Variants in USP8 observed in about 807,000 individuals in gnomAD.
The protein encoded by USP8 is ubiquitin carboxyl-terminal hydrolase 8.
In USP8, 27 loss-of-function variants were observed where a neutral mutation model predicts 130.0. The observed-to-expected ratio is 0.21, with a 90% confidence interval of 0.15 to 0.29. The LOEUF (loss-of-function observed/expected upper bound fraction) is 0.29. USP8 is among the 10% of genes least tolerant of loss of function. The pLI is 1.00. For missense variants in USP8, 1,029 were observed against 1,312.2 expected (o/e 0.78, Z 3.33); for synonymous variants, 392 against 444.1 (o/e 0.88, Z 1.48).
intron 3 of USP8, 115 bp downstream of exon 3, chr15:50,441,608 G>C (rs1386144531): frequency 2.3e-6 from 2 of 852,824 alleles, no homozygotes; most frequent in East Asian, 5.6e-5. Flanking sequence ...TATGCAGCAT[G>C]ATCTCATGTA....
intron 1 of USP8, among the ~76,000 whole-genome samples, chr15:50,431,806 A>G (rs1425681035): frequency 6.6e-6 from 1 of 152,072 alleles, no homozygotes; most frequent in Non-Finnish European, 1.5e-5. Flanking sequence ...ACAGGCGTCC[A>G]CCACCATGCC....
intron 7 of USP8, among the ~76,000 whole-genome samples, chr15:50,467,616 C>T (rs2051234478): frequency 6.6e-6 from 1 of 151,930 alleles, no homozygotes; most frequent in South Asian, 2.1e-4. Flanking sequence ...AGTGCAGTGG[C>T]ATGATTACAG....
At chr15:50,456,650 C>T in intron 4 of USP8, among the ~76,000 whole-genome samples, 1 of 152,044 alleles carries the variant, frequency 6.6e-6, no homozygotes, top group East Asian at 1.9e-4. Flanking sequence ...CTTTGGGAGG[C>T]CGACGAGGGT....
rs1232719949 is a variant in USP8, at chr15:50,510,829, T to G, written c.*11741T>G. 6.6e-6 allele frequency: 1 copy of G among 152,030 alleles called. No individual in the cohort carries two copies. The highest frequency in any genetic ancestry group is 1.5e-5 in the Non-Finnish European group (1 of 68,046). The allele number at this position is 152,030 out of a possible 1,614,324, so 9.4% of individuals were successfully genotyped here. On this transcript the variant is annotated 3_prime_UTR_variant, in exon 20 of 20. Coordinates refer to ENST00000307179, the MANE Select transcript of USP8 (RefSeq NM_005154.5). ...TCTCGCTCTGTCTCCCAGGCTGGAG[T>G]GCAGTGGCGCTATCTCGGCTCACTG...
At chr15:50,471,580 TA>T in intron 7 of USP8, 52 bp from the exon 8 acceptor site, 1 of 1,582,766 alleles carries the variant, frequency 6.3e-7, no homozygotes, top group Non-Finnish European at 8.6e-7. Flanking sequence ...TCTGTTAGTA[TA>T]TTAGGACCTC....
intron 4 of USP8, among the ~76,000 whole-genome samples, chr15:50,456,221 G>C (rs1369015672): frequency 1.3e-5 from 2 of 152,140 alleles, no homozygotes. Flanking sequence ...GTCAATATTA[G>C]TGATCATTTC....
intron 7 of USP8, among the ~76,000 whole-genome samples, chr15:50,466,337 A>G (rs1308646632): frequency 1.3e-5 from 2 of 152,130 alleles, no homozygotes; most frequent in African/African-American, 2.4e-5. Flanking sequence ...ACTGGCTCAC[A>G]CCTGTAATCC....
At position 50,500,809 on chromosome 15, in the gene USP8, T is replaced by C; in HGVS notation, c.*1721T>C. 1 of 1,589,098 alleles carries C rather than the reference T, an allele frequency of 6.3e-7. No individual in the cohort carries two copies. The highest frequency in any genetic ancestry group is 8.6e-7 in the Non-Finnish European group (1 of 1,167,146). On this transcript the variant is annotated 3_prime_UTR_variant, in exon 20 of 20. Coordinates refer to ENST00000307179, the MANE Select transcript of USP8 (RefSeq NM_005154.5). ...TGAATTCTTGCAGAAAGCAGTGTAG[T>C]GGCCACCATCCAAATCACCAAAATG... is the stretch of plus-strand genomic sequence containing the variant.
intron 1 of USP8, among the ~76,000 whole-genome samples, chr15:50,438,198 G>A (rs1003701819): frequency 2.0e-5 from 3 of 152,208 alleles, no homozygotes; most frequent in Non-Finnish European, 4.4e-5. Flanking sequence ...CCTGCTCCAA[G>A]TTGTACTTTA....
intron 3 of USP8, among the ~76,000 whole-genome samples, chr15:50,448,815 C>A (rs1259440306): frequency 1.3e-5 from 2 of 152,074 alleles, no homozygotes; most frequent in African/African-American, 4.8e-5. Flanking sequence ...CCACTGCACC[C>A]GGCCTAGATT....
Position 50,452,470 on chromosome 15 carries a change from T to TCCACACCTTACCCCCTACC in USP8, c.335+2985_335+2986insCCACACCTTACCCCCTACC, listed in dbSNP as rs2050655801. The stretch of plus-strand genomic sequence containing the variant: ...AACAAATCCAAGGTAGGGGGTAAGG[T>TCCACACCTTACCCCCTACC]GTGGATAAGAGAAGAAAATAGGAAA... On this transcript the variant is annotated intron_variant, in intron 4 of 19. Transcript: ENST00000307179. 2.0e-5 allele frequency among the ~76,000 whole-genome samples: 3 copies of TCCACACCTTACCCCCTACC among 152,200 alleles called. No homozygotes were observed. The South Asian group carries it at 6.2e-4, about 32-fold the overall frequency.
chr15:50,494,730 C>T (rs2052308860), intron 16 of USP8, among the ~76,000 whole-genome samples: 1 of 152,092 alleles, frequency 6.6e-6, no homozygotes, highest in South Asian at 2.1e-4. Flanking sequence ...ATAAGAATTA[C>T]TTGGCTGGGC....
chr15:50,432,240 GC>G (rs2049956165), intron 1 of USP8: 1 of 152,140 alleles, frequency 6.6e-6, no homozygotes, highest in Non-Finnish European at 1.5e-5. Context: ...GCACCACTAC[GC>G]CCAGCTAATT....
rs1042097275 is a variant in USP8, at chr15:50,507,932, T to C, written c.*8844T>C. On this transcript the variant is annotated 3_prime_UTR_variant, in exon 20 of 20. Transcript: ENST00000307179. ...AAAAATACAAAAAATTAGCTGGGCA[T>C]GGTGTCGGCTGCCTGTAATCCCAGC... is the stretch of plus-strand genomic sequence containing the variant. 6.6e-6 allele frequency: 1 copy of C among 151,862 alleles called. No homozygotes were observed. Among genetic ancestry groups the C allele is most frequent in the African/African-American group, 2.4e-5 (1 of 41,336 alleles). 9.4% of individuals were successfully genotyped at this position (151,862 alleles called of 1,614,324 possible). A position where few individuals can be genotyped will look rare whatever the true frequency, so the allele number is the denominator to read the frequency against.
Position 50,498,724 on chromosome 15 carries a change from T to C in USP8, c.3167T>C (p.Val1056Ala), listed in dbSNP as rs1456280661. ...NNLKKYNLFS[V>A]SNHYGGLDGG... ...TTGAAGAAATATAATTTGTTTTCTG[T>C]TTCAGTAAGTATCTCTTTGAACTGA... The change falls in exon 19 of 20, where the codon GTT (valine) becomes GCT (alanine). Residue 1056 changes from valine (V) to alanine (A), a missense_variant. Transcript: ENST00000307179. The C allele has an allele frequency of 6.2e-7, 1 of 1,605,972 alleles. No individual in the cohort carries two copies. Among genetic ancestry groups the C allele is most frequent in the Admixed American group, 1.7e-5 (1 of 58,610 alleles).
chr15:50,481,243 C>G (rs1438973772), intron 10 of USP8, among the ~76,000 whole-genome samples: 5 of 152,148 alleles, frequency 3.3e-5, no homozygotes. Context: ...GTATACAAAA[C>G]ACTCAGGAAG....
At chr15:50,425,006 T>C (rs34659874) in intron 1 of USP8, among the ~76,000 whole-genome samples, 26,907 of 147,790 alleles carry the variant, frequency 0.18, 2,633 homozygotes, top group Admixed American at 0.29. Flanking sequence ...TTTTTTTTTT[T>C]CCCCTAAAAA....
In USP8 at chr15:50,507,561, G is replaced by A. The variant is rs541875051; in HGVS notation, c.*8473G>A. 1 of 152,194 alleles carries A rather than the reference G, an allele frequency of 6.6e-6. No individual in the cohort carries two copies. Among genetic ancestry groups the A allele is most frequent in the South Asian group, 2.1e-4 (1 of 4,814 alleles). The allele number at this position is 152,194 out of a possible 1,614,324, so 9.4% of individuals were successfully genotyped here. On this transcript the variant is annotated 3_prime_UTR_variant, in exon 20 of 20. Coordinates refer to ENST00000307179, the MANE Select transcript of USP8 (RefSeq NM_005154.5). ...AAAAAAGGTTTAAATCACCCAAATTGTATAATTTGAAACTGCTACCTACCT... is the reference window on the plus strand; with the variant it reads ...AAAAAAGGTTTAAATCACCCAAATTATATAATTTGAAACTGCTACCTACCT...
At position 50,495,954 on chromosome 15, in the gene USP8, T is replaced by G; in HGVS notation, c.2765T>G (p.Ile922Ser). The change falls in exon 17 of 20, where the codon ATT becomes AGT. Residue 922 changes from isoleucine to serine, a missense_variant. By Grantham distance (142) the Ile-to-Ser change is moderately radical. Around this residue, in one of 4 missense-constraint regions of USP8, gnomAD observed 257 missense variants for 429.8 expected, o/e 0.60. Coordinates refer to ENST00000307179, the MANE Select transcript of USP8 (RefSeq NM_005154.5). ...CACAAGCAGCTCAATGAGTCTATTATTGTTGCACTTTTTCAGGGTCAATTC... is the reference window on the plus strand; with the variant it reads ...CACAAGCAGCTCAATGAGTCTATTAGTGTTGCACTTTTTCAGGGTCAATTC... ...QKHKQLNESIIVALFQGQFKS... is the reference protein window; with the variant it reads ...QKHKQLNESISVALFQGQFKS... 1 of 1,613,902 alleles carries G rather than the reference T, an allele frequency of 6.2e-7. No individual in the cohort carries two copies. The highest frequency in any genetic ancestry group is 8.5e-7 in the Non-Finnish European group (1 of 1,180,020).
Sources: allele counts gnomAD v4.1 joint callset (sites outside exome capture counted in the v4.1 genomes callset), GRCh38; gene constraint gnomAD v4.1.1; regional missense constraint gnomAD v4.1.1; transcripts MANE v1.5; gene names NCBI Gene and HGNC (gene_info 2026-07-23, HGNC 2026-07-21).